The following CASTOR2 variants were observed in gnomAD, a reference collection of about 807,000 sequenced individuals.
The protein encoded by CASTOR2 is cytosolic arginine sensor for mTORC1 subunit 2, also known as GATS protein like 2.
In CASTOR2, 8 loss-of-function variants were observed where a neutral mutation model predicts 31.2. The observed-to-expected ratio is 0.26, with a 90% CI of 0.15 to 0.46. The LOEUF (loss-of-function observed/expected upper bound fraction) is 0.46. CASTOR2 is among the 20% of genes least tolerant of loss of function. The probability of loss-of-function intolerance (pLI) is 0.99; values close to 1 mark genes in which losing one functional copy is unlikely to be tolerated. For missense variants in CASTOR2, 216 were observed against 382.1 expected, an observed-to-expected ratio of 0.57 and a Z score of 3.62; for synonymous variants, 162 against 158.7, an observed-to-expected ratio of 1.02 and a Z score of -0.16.
intron 2 of CASTOR2, among the ~76,000 whole-genome samples, chr7:75,010,141 G>A (rs1368007775): frequency 6.6e-6 from 1 of 151,946 alleles, no homozygotes; most frequent in Non-Finnish European, 1.5e-5. Flanking sequence ...TCTGCAGCAT[G>A]GTCCTTTCTG....
At chr7:74,993,490 A>C (rs1584465882) in intron 1 of CASTOR2, among the ~76,000 whole-genome samples, 1 of 117,326 alleles carries the variant, frequency 8.5e-6, no homozygotes, top group Non-Finnish European at 1.6e-5. Context: ...TCACTGTGTC[A>C]CCCAGGCTGG....
rs1308304567 is a variant in CASTOR2 at position 75,031,491 on chromosome 7, G to T, written c.*6792G>T. Among the ~76,000 whole-genome samples, 1 of 151,236 alleles carries T rather than the reference G, an allele frequency of 6.6e-6. No individual in the cohort carries two copies. The highest frequency in any genetic ancestry group is 1.5e-5 in the Non-Finnish European group (1 of 67,874). ...TCCCCCAAAAAAGACAGTATATTTT[G>T]TACTTTGTAAAGTGTTAATTAAAAT... On this transcript the variant is annotated 3_prime_UTR_variant, in exon 9 of 9. Coordinates refer to ENST00000616305, the MANE Select transcript of CASTOR2 (RefSeq NM_001145064.3).
rs1230323561 is a variant in CASTOR2, at chr7:74,980,652, G to T, written c.113+15554G>T. ...TGGCCTCTGTCCCCATGGCACAGAT[G>T]GTCTGTTCTGCTTTGGAAGCACTGG... On this transcript the variant is annotated intron_variant, in intron 1 of 8. Transcript: ENST00000616305. Among the ~76,000 whole-genome samples the T allele has an allele frequency of 2.0e-4, 28 of 139,358 alleles. 1 individual carries two copies. The highest frequency in any genetic ancestry group is 1.9e-3 in the Admixed American group (28 of 14,646). The allele number at this position is 139,358 out of a possible 152,430, so 91.4% of individuals were successfully genotyped here.
chr7:75,009,610 TG>T (rs1456151906), intron 2 of CASTOR2, among the ~76,000 whole-genome samples: 33 of 151,704 alleles, frequency 2.2e-4, no homozygotes, highest in African/African-American at 7.7e-4. Context: ...TAAAATTAAG[TG>T]GCCCCCCCCG....
intron 2 of CASTOR2, among the ~76,000 whole-genome samples, chr7:75,013,810 C>T (rs1804805808): frequency 6.6e-6 from 1 of 152,140 alleles, no homozygotes; most frequent in African/African-American, 2.4e-5. Flanking sequence ...TCACTGCAAC[C>T]TCCACCTCCC....
chr7:75,008,238 T>C (rs1169816689), intron 2 of CASTOR2, among the ~76,000 whole-genome samples, 174 bp downstream of exon 2: 1 of 151,856 alleles, frequency 6.6e-6, no homozygotes, highest in Admixed American at 6.6e-5. Flanking sequence ...TATTTCCTTC[T>C]CTCCCTGGCT....
rs1403192626 is a variant in CASTOR2, at chr7:75,028,268, T to G, written c.*3569T>G. 1.3e-5 allele frequency among the ~76,000 whole-genome samples: 2 copies of G among 152,068 alleles called. No individual in the cohort carries two copies. The highest frequency in any genetic ancestry group is 2.1e-4 in the South Asian group (1 of 4,814). ...CCCAAGTAGGTGAGATTACAGGCAC[T>G]CACCACCACACGCGGCTAATTTTTG... On this transcript the variant is annotated 3_prime_UTR_variant, in exon 9 of 9. Transcript: ENST00000616305.
intron 1 of CASTOR2, among the ~76,000 whole-genome samples, chr7:74,986,930 C>G (rs1376315485): frequency 6.6e-6 from 1 of 152,112 alleles, no homozygotes; most frequent in East Asian, 1.9e-4. Context: ...GTGGCACACG[C>G]CTGTAGTCCC....
At chr7:75,009,410 G>GGCGCCCGCCACC (rs1804681682) in intron 2 of CASTOR2, among the ~76,000 whole-genome samples, 1 of 150,496 alleles carries the variant, frequency 6.6e-6, no homozygotes, top group Admixed American at 6.7e-5. Flanking sequence ...TGGGACTACA[G>GGCGCCCGCCACC]GCGCCCGCCA....
intron 2 of CASTOR2, 131 bp from the exon 3 acceptor site, chr7:75,017,467 G>A (rs1380917325): frequency 8.8e-7 from 1 of 1,137,672 alleles, no homozygotes; most frequent in Admixed American, 2.0e-5. Flanking sequence ...AAATCCTGTT[G>A]GAAAGTGAGG....
chr7:74,990,987 C>T (rs1804196348), intron 1 of CASTOR2, among the ~76,000 whole-genome samples: 1 of 150,624 alleles, frequency 6.6e-6, no homozygotes. Context: ...GCAGGAGGAT[C>T]ACGTAAGCCC....
intron 2 of CASTOR2, among the ~76,000 whole-genome samples, chr7:75,010,125 G>A (rs1804704158): frequency 1.3e-5 from 2 of 152,100 alleles, no homozygotes; most frequent in South Asian, 2.1e-4. Flanking sequence ...GCAGCATGGG[G>A]AGACTTCTGC....
At chr7:75,007,721 G>T (rs1804637214) in intron 1 of CASTOR2, among the ~76,000 whole-genome samples, 1 of 152,074 alleles carries the variant, frequency 6.6e-6, no homozygotes. Flanking sequence ...GGGCCCTCAG[G>T]CCTGGACACA....
intron 1 of CASTOR2, among the ~76,000 whole-genome samples, chr7:74,998,557 C>T (rs1204200417): frequency 1.3e-5 from 2 of 148,636 alleles, no homozygotes; most frequent in Admixed American, 6.8e-5. Flanking sequence ...GAGCCGAGAT[C>T]GCACCACTGC....
chr7:75,020,180 C>A (rs1804959436), intron 6 of CASTOR2, 31 bp downstream of exon 6: 1 of 1,543,784 alleles, frequency 6.5e-7, no homozygotes, highest in African/African-American at 1.4e-5. Flanking sequence ...GACGTTCAAC[C>A]CAGGGTGGGC....
rs1448079470 is a variant in CASTOR2, at chr7:74,987,517, G to C, written c.114-20477G>C. 1.2e-4 allele frequency among the ~76,000 whole-genome samples: 18 copies of C among 152,104 alleles called. No homozygotes were observed. In the South Asian group the frequency reaches 3.7e-3, roughly 32 times the overall value. On this transcript the variant is annotated intron_variant, in intron 1 of 8. Transcript: ENST00000616305. ...GGAGGGCAGATTCTCCTGCAGTCTG[G>C]GCCTTTCTCCCGCAGAGGGCAGGGA... is the stretch of plus-strand genomic sequence containing the variant.
chr7:75,018,192 T>G (rs1804910456), intron 4 of CASTOR2, 70 bp downstream of exon 4: 1 of 1,574,976 alleles, frequency 6.3e-7, no homozygotes, highest in Non-Finnish European at 8.6e-7. Context: ...CAGACCAGCC[T>G]TACTCTCAGC....
intron 6 of CASTOR2, among the ~76,000 whole-genome samples, chr7:75,020,542 G>A (rs1554440295): frequency 2.0e-5 from 3 of 150,780 alleles, no homozygotes; most frequent in South Asian, 2.1e-4. Flanking sequence ...CCAGGCTGGA[G>A]TGCAGTGGCA....
chr7:74,992,133 T>A (rs1804225913), intron 1 of CASTOR2, among the ~76,000 whole-genome samples: 1 of 150,654 alleles, frequency 6.6e-6, no homozygotes, highest in African/African-American at 2.4e-5. Context: ...CCAGGAAGAG[T>A]CTGGGTGGGG....
Sources: allele counts gnomAD v4.1 joint callset (sites outside exome capture counted in the v4.1 genomes callset), GRCh38; gene constraint gnomAD v4.1.1; transcripts MANE v1.5; gene names NCBI Gene and HGNC (gene_info 2026-07-23, HGNC 2026-07-21).